Variants in CATSPERE observed in about 807,000 individuals in gnomAD.
CATSPERE encodes cation channel sperm-associated auxiliary subunit epsilon.
In CATSPERE, 93 loss-of-function variants were observed where a neutral mutation model predicts 114.1. The ratio of observed to expected loss-of-function variants is 0.81; its 90% confidence interval spans 0.69 to 0.97. The LOEUF (loss-of-function observed/expected upper bound fraction) is 0.97. Ranked by LOEUF, CATSPERE falls within the 50% of genes least tolerant of loss-of-function variation. The pLI is 0.00. For missense variants in CATSPERE, 1,058 were observed against 1,131.6 expected (o/e 0.93, Z 0.93); for synonymous variants, 341 against 384.1 (o/e 0.89, Z 1.31).
intron 17 of CATSPERE, among the ~76,000 whole-genome samples, chr1:244,597,641 T>A (rs1226764482): frequency 1.3e-5 from 2 of 152,118 alleles, no homozygotes. Flanking sequence ...TTTAATCCTT[T>A]TAACAAGTTG....
At position 244,490,400 on chromosome 1, in the gene CATSPERE, G is replaced by C. The variant is rs747656707; in HGVS notation, c.327-47G>C. ...TTGAAAGTAGAATATTCGACCTAAT[G>C]TTTAACAGGCTGTTTACTAAAATAT... is the stretch of plus-strand genomic sequence containing the variant. On this transcript the variant is annotated intron_variant, in intron 5 of 21. Coordinates refer to ENST00000366534, the MANE Select transcript of CATSPERE (RefSeq NM_001130957.2). The C allele has an allele frequency of 2.9e-6, 4 of 1,355,958 alleles. No individual in the cohort carries two copies. The Admixed American group carries it at 5.5e-5, about 19-fold the overall frequency. 84.0% of individuals were successfully genotyped at this position (1,355,958 alleles called of 1,614,324 possible). A position where few individuals can be genotyped will look rare whatever the true frequency, so the allele number is the denominator to read the frequency against.
chr1:244,638,859 G>T (rs1558637929), intron 21 of CATSPERE, among the ~76,000 whole-genome samples: 1 of 151,764 alleles, frequency 6.6e-6, no homozygotes, highest in Non-Finnish European at 1.5e-5. Flanking sequence ...CCATGTCTTC[G>T]GCCATTAATT....
At position 244,565,457 on chromosome 1, in the gene CATSPERE, T is replaced by C. The variant is rs189241073; in HGVS notation, c.1507+4312T>C. On this transcript the variant is annotated intron_variant, in intron 10 of 21. Coordinates refer to ENST00000366534, the MANE Select transcript of CATSPERE (RefSeq NM_001130957.2). The stretch of plus-strand genomic sequence containing the variant: ...TATTGGTCTATTCAAGGATTTGACT[T>C]CTTCCTGGTTTCATTTTGGGAGGGT... Among the ~76,000 whole-genome samples the C allele has an allele frequency of 5.3e-5, 8 of 152,332 alleles. No individual in the cohort carries two copies. The East Asian group carries it at 1.5e-3, about 29-fold the overall frequency.
Position 244,560,694 on chromosome 1 carries a change from A to T in CATSPERE, c.1056A>T (p.Ala352=). Residue 352 remains alanine (A), a synonymous_variant, in exon 10 of 22, where the codon GCA becomes GCT. Coordinates refer to ENST00000366534, the MANE Select transcript of CATSPERE (RefSeq NM_001130957.2). ...CTAAAGGAAGAAGAAGCACCTTTGC[A>T]GTCTGGACAGAAAATGAAATTTACC... ...LKAKGRRSTF[A]VWTENEIYLG... The T allele has an allele frequency of 6.2e-7, 1 of 1,611,436 alleles. No homozygotes were observed. The highest frequency in any genetic ancestry group is 8.5e-7 in the Non-Finnish European group (1 of 1,178,946).
chr1:244,497,313 G>A (rs1673256546), intron 6 of CATSPERE, among the ~76,000 whole-genome samples: 1 of 151,940 alleles, frequency 6.6e-6, no homozygotes, highest in African/African-American at 2.4e-5. Context: ...TGGAATACAG[G>A]TAGAAAAATA....
In CATSPERE at chr1:244,620,338, A is replaced by T. The variant is rs566882512; in HGVS notation, c.2648+2652A>T. On this transcript the variant is annotated intron_variant, in intron 20 of 21. Transcript: ENST00000366534. ...ACTGCAATCATATTTGTTGTGTAAG[A>T]TGTTCACATGTGAAAGGCTGAGCAG... Among the ~76,000 whole-genome samples the T allele has an allele frequency of 9.8e-5, 15 of 152,332 alleles. No individual in the cohort carries two copies. In the South Asian group the frequency reaches 3.1e-3, roughly 32 times the overall value.
rs183782274 is a variant in CATSPERE, at chr1:244,499,358, G to A, written c.429+279G>A. On this transcript the variant is annotated intron_variant, in intron 7 of 21. Transcript: ENST00000366534. ...TTTTAAATTTTACTCTAAGTTCAGA[G>A]ATATATGTACAGAATGTGCAGTTTT... is the stretch of plus-strand genomic sequence containing the variant. Among the ~76,000 whole-genome samples, 62 of 151,960 alleles carry A rather than the reference G, an allele frequency of 4.1e-4. 1 individual carries two copies. The highest frequency in any genetic ancestry group is 1.4e-3 in the African/African-American group (60 of 41,408).
chr1:244,588,459 C>G, intron 13 of CATSPERE, 23 bp from the exon 14 acceptor site: 1 of 1,585,372 alleles, frequency 6.3e-7, no homozygotes, highest in African/African-American at 1.3e-5. Context: ...GCTGAACTCA[C>G]TACCTAAGTT....
intron 20 of CATSPERE, among the ~76,000 whole-genome samples, chr1:244,624,055 G>A (rs1014568193): frequency 4.0e-4 from 60 of 151,836 alleles, no homozygotes; most frequent in African/African-American, 1.3e-3. Context: ...TCTGCCTCCC[G>A]GGTTCACACC....
upstream of CATSPERE, among the ~76,000 whole-genome samples, chr1:244,461,035 A>C (rs10927237): frequency 0.22 from 33,475 of 152,220 alleles, 4,226 homozygotes; most frequent in African/African-American, 0.33. Context: ...GCTAAAAGAC[A>C]CACTACCTTA....
At chr1:244,499,506 T>A (rs1188368100) in intron 7 of CATSPERE, among the ~76,000 whole-genome samples, 5 of 49,700 alleles carry the variant, frequency 1.0e-4, no homozygotes, top group African/African-American at 3.4e-4. Flanking sequence ...CCCCCACCCC[T>A]CGACAGGCCA....
intron 1 of CATSPERE, among the ~76,000 whole-genome samples, chr1:244,455,614 C>G (rs1666079750): frequency 6.6e-6 from 1 of 150,704 alleles, no homozygotes; most frequent in African/African-American, 2.4e-5. Flanking sequence ...CTTCTTGGAT[C>G]TTGTTTTTCT....
At chr1:244,456,860 C>A (rs1666209488), upstream of CATSPERE, among the ~76,000 whole-genome samples, 1 of 152,048 alleles carries the variant, frequency 6.6e-6, no homozygotes, top group South Asian at 2.1e-4. Flanking sequence ...ATGAAAGTTG[C>A]TAAGAATTAA....
chr1:244,638,691 A>C (rs1036033646), intron 21 of CATSPERE, among the ~76,000 whole-genome samples: 1 of 152,152 alleles, frequency 6.6e-6, no homozygotes, highest in African/African-American at 2.4e-5. Flanking sequence ...TCCATTATTT[A>C]ATCTACCTTA....
chr1:244,454,012 C>T (rs7518614), upstream of CATSPERE, among the ~76,000 whole-genome samples: 17 of 152,142 alleles, frequency 1.1e-4, no homozygotes, highest in African/African-American at 4.1e-4. Context: ...GGGATACTCC[C>T]GGAGTTCTTG....
chr1:244,526,765 G>A (rs969642864), intron 8 of CATSPERE, among the ~76,000 whole-genome samples: 4 of 151,236 alleles, frequency 2.6e-5, no homozygotes, highest in African/African-American at 4.9e-5. Flanking sequence ...ACCTGCCCCC[G>A]CTAGTCACAT....
chr1:244,542,154 T>A (rs78846454), intron 8 of CATSPERE, among the ~76,000 whole-genome samples: 21 of 140,458 alleles, frequency 1.5e-4, no homozygotes, highest in Admixed American at 2.8e-4. Context: ...ACATAAAGTA[T>A]AAAAAAAAAA....
chr1:244,486,666 G>A (rs1429350131), intron 5 of CATSPERE, among the ~76,000 whole-genome samples: 1 of 119,524 alleles, frequency 8.4e-6, no homozygotes, highest in Non-Finnish European at 1.8e-5. Context: ...CCAGCATGTG[G>A]AGTACTCGTG....
chr1:244,583,289 C>T (rs1236304469), intron 12 of CATSPERE, among the ~76,000 whole-genome samples: 1 of 151,924 alleles, frequency 6.6e-6, no homozygotes, highest in Non-Finnish European at 1.5e-5. Flanking sequence ...ATTTTTTAGC[C>T]CTCACGTTTT....
Sources: allele counts gnomAD v4.1 joint callset (sites outside exome capture counted in the v4.1 genomes callset), GRCh38; gene constraint gnomAD v4.1.1; transcripts MANE v1.5; gene names NCBI Gene and HGNC (gene_info 2026-07-23, HGNC 2026-07-21).